GALNT18: variants seen among roughly 807,000 people sequenced by gnomAD.
The protein encoded by GALNT18 is polypeptide N-acetylgalactosaminyltransferase 18.
A neutral mutation model predicts 69.5 loss-of-function variants in GALNT18; 44 were observed. The observed-to-expected ratio is 0.63, with a 90% CI of 0.50 to 0.81. The LOEUF is 0.81. Ranked by LOEUF, GALNT18 falls within the 40% of genes least tolerant of loss-of-function variation. The probability of loss-of-function intolerance (pLI) is 0.00; values close to 1 mark genes in which losing one functional copy is unlikely to be tolerated. For synonymous variants in GALNT18, 364 were observed against 318.2 expected (o/e 1.14, Z -1.53); for missense variants, 715 against 810.0 (o/e 0.88, Z 1.42).
chr11:11,275,404 ATTTG>A (rs1013651140), intron 10 of GALNT18, among the ~76,000 whole-genome samples: 8 of 152,116 alleles, frequency 5.3e-5, no homozygotes, highest in East Asian at 1.9e-4. Flanking sequence ...TTTCTTGTAA[ATTTG>A]TTTGTTCTTT....
chr11:11,411,366 A>G (rs1289859923), intron 3 of GALNT18, among the ~76,000 whole-genome samples: 1 of 152,194 alleles, frequency 6.6e-6, no homozygotes, highest in Non-Finnish European at 1.5e-5. Flanking sequence ...GACAGAGGGC[A>G]AGGTTTGCAG....
At chr11:11,599,389 A>G (rs899465004) in intron 1 of GALNT18, among the ~76,000 whole-genome samples, 7 of 151,988 alleles carry the variant, frequency 4.6e-5, no homozygotes, top group African/African-American at 1.7e-4. Context: ...TTTAACGTCA[A>G]TTTTGTCTGA....
chr11:11,433,632 T>A (rs974620599), intron 2 of GALNT18, among the ~76,000 whole-genome samples: 1 of 152,158 alleles, frequency 6.6e-6, no homozygotes, highest in African/African-American at 2.4e-5. Context: ...ATTCCCCACA[T>A]GAAGAGGAAC....
At chr11:11,453,899 T>C (rs1855865688) in intron 1 of GALNT18, among the ~76,000 whole-genome samples, 1 of 152,224 alleles carries the variant, frequency 6.6e-6, no homozygotes, top group African/African-American at 2.4e-5. Flanking sequence ...GAGAACAGAC[T>C]AATATAGTCT....
In GALNT18 at chr11:11,581,747, T is replaced by A. The variant is rs61870383; in HGVS notation, c.235+39612A>T. Among the ~76,000 whole-genome samples the A allele has an allele frequency of 3.5e-4, 54 of 152,170 alleles. No homozygotes were observed. The South Asian group carries it at 0.011, about 30-fold the overall frequency. On this transcript the variant is annotated intron_variant, in intron 1 of 10. Transcript: ENST00000227756. ...CATCCAGGGGCCTAAAAAGAATGCA[T>A]GTGGCTGCTGCATCTTTAGCAGGAT...
chr11:11,536,207 C>T (rs1438807937), intron 1 of GALNT18, among the ~76,000 whole-genome samples: 1 of 152,192 alleles, frequency 6.6e-6, no homozygotes, highest in Non-Finnish European at 1.5e-5. Context: ...TAAAATATTT[C>T]ATTTATTGAG....
intron 2 of GALNT18, 21 bp downstream of exon 2, chr11:11,448,723 C>T (rs1329035450): frequency 1.3e-6 from 2 of 1,596,174 alleles, no homozygotes; most frequent in Non-Finnish European, 1.7e-6. Context: ...CGACAAGGGC[C>T]CAGTCACTGA....
At chr11:11,300,316 A>T (rs1849471431) in intron 9 of GALNT18, among the ~76,000 whole-genome samples, 1 of 152,130 alleles carries the variant, frequency 6.6e-6, no homozygotes, top group Non-Finnish European at 1.5e-5. Flanking sequence ...CTTTGGCTGA[A>T]ACTGTCCTGG....
chr11:11,540,382 G>A lies in GALNT18; in HGVS notation c.235+80977C>T, dbSNP rs894743835. 6.6e-6 allele frequency among the ~76,000 whole-genome samples: 1 copy of A among 152,254 alleles called. No homozygotes were observed. The highest frequency in any genetic ancestry group is 1.5e-5 in the Non-Finnish European group (1 of 68,020). ...GACAAGAGCATGCCAAGAGCCCTGG[G>A]TGGTTTGGGTTTGTTTTGTCCATAC... On this transcript the variant is annotated intron_variant, in intron 1 of 10. Transcript: ENST00000227756. The surrounding 1 kb of genome is among the most constrained non-coding windows in gnomAD (Gnocchi z 4.6).
In GALNT18 at chr11:11,372,464, T is replaced by A; in HGVS notation, c.1092+51A>T. The A allele has an allele frequency of 7.0e-7, 1 of 1,435,098 alleles. No individual in the cohort carries two copies. The allele number at this position is 1,435,098 out of a possible 1,614,324, so 88.9% of individuals were successfully genotyped here. On this transcript the variant is annotated intron_variant, in intron 6 of 10. Transcript: ENST00000227756. The surrounding 1 kb of genome is among the most constrained non-coding windows in gnomAD (Gnocchi z 4.9). ...CCCATTTCTCCACCCCCAGACTCAT[T>A]CACCCTGGTGGGAGCTGAGCCGAGC...
At chr11:11,285,201 A>G (rs575439082) in intron 10 of GALNT18, among the ~76,000 whole-genome samples, 2 of 152,140 alleles carry the variant, frequency 1.3e-5, no homozygotes, top group South Asian at 4.1e-4. Context: ...CTGGTTTTCC[A>G]GAGGCAGGAC....
At chr11:11,506,893 C>T (rs1432476756) in intron 1 of GALNT18, among the ~76,000 whole-genome samples, 1 of 152,152 alleles carries the variant, frequency 6.6e-6, no homozygotes, top group Non-Finnish European at 1.5e-5. Context: ...ATCCTATGTC[C>T]CTTCCCAAAC....
rs1021147167 is a variant in GALNT18, at chr11:11,523,903, C to A, written c.236-74967G>T. On this transcript the variant is annotated intron_variant, in intron 1 of 10. Transcript: ENST00000227756. The surrounding 1 kb of genome is among the most constrained non-coding windows in gnomAD (Gnocchi z 4.3). ...GGCTCTCAGGTCACCAAGAACATCACCCCAAATCTTATTACTTCAGTAGAG... is the reference window on the plus strand; with the variant it reads ...GGCTCTCAGGTCACCAAGAACATCAACCCAAATCTTATTACTTCAGTAGAG... Among the ~76,000 whole-genome samples the A allele has an allele frequency of 6.6e-6, 1 of 152,070 alleles. No individual in the cohort carries two copies. The highest frequency in any genetic ancestry group is 1.5e-5 in the Non-Finnish European group (1 of 68,006).
rs368208303 is a variant in GALNT18, at chr11:11,546,726, C to T, written c.235+74633G>A. Among the ~76,000 whole-genome samples, 3 of 152,016 alleles carry T rather than the reference C, an allele frequency of 2.0e-5. No individual in the cohort carries two copies. The highest frequency in any genetic ancestry group is 7.3e-5 in the African/African-American group (3 of 41,370). On this transcript the variant is annotated intron_variant, in intron 1 of 10. Coordinates refer to ENST00000227756, the MANE Select transcript of GALNT18 (RefSeq NM_198516.3). The surrounding 1 kb of genome is among the most constrained non-coding windows in gnomAD (Gnocchi z 5.8). Reference sequence around the variant, plus strand: ...TTGGTATCTACTGCAGTAGATACCCCGAATGTTGATGATGTCTTCCAGGTT... The same window carrying T: ...TTGGTATCTACTGCAGTAGATACCCTGAATGTTGATGATGTCTTCCAGGTT...
chr11:11,585,409 A>T (rs1342728949), intron 1 of GALNT18, among the ~76,000 whole-genome samples: 2 of 149,480 alleles, frequency 1.3e-5, no homozygotes, highest in African/African-American at 4.9e-5. Flanking sequence ...AGGCTGGAGT[A>T]CAATGGCGTG....
chr11:11,331,289 C>G (rs1590041802), intron 8 of GALNT18, among the ~76,000 whole-genome samples: 2 of 152,148 alleles, frequency 1.3e-5, no homozygotes, highest in South Asian at 4.1e-4. Flanking sequence ...GATATGTCAA[C>G]CATGCCATGG....
intron 1 of GALNT18, among the ~76,000 whole-genome samples, chr11:11,553,001 G>A (rs1858237910): frequency 6.6e-6 from 1 of 152,118 alleles, no homozygotes; most frequent in African/African-American, 2.4e-5. Context: ...TTACTTGGGT[G>A]AGTTTAATCT....
intron 6 of GALNT18, chr11:11,353,187 C>T: frequency 1.3e-6 from 2 of 1,598,752 alleles, no homozygotes; most frequent in Non-Finnish European, 1.7e-6. Context: ...TGTTCAGAAG[C>T]AGCTTGGGGG....
In GALNT18 at chr11:11,377,226, G is replaced by C; in HGVS notation, c.933C>G (p.Pro311=). The C allele has an allele frequency of 6.2e-7, 1 of 1,613,694 alleles. No homozygotes were observed. The highest frequency in any genetic ancestry group is 8.5e-7 in the Non-Finnish European group (1 of 1,180,022). The part of the protein sequence containing the change: ...DWELWCRYLN[P]PKAWWKLENS... The stretch of plus-strand genomic sequence containing the variant: ...TCTCCAGCTTCCACCAGGCCTTGGG[G>C]GGATTTAGGTAGCGGCACCACAGCT... The change falls in exon 5 of 11, where the codon CCC becomes CCG. Residue 311 remains proline (P), a synonymous_variant. Coordinates refer to ENST00000227756, the MANE Select transcript of GALNT18 (RefSeq NM_198516.3). The surrounding 1 kb of genome is among the most constrained non-coding windows in gnomAD (Gnocchi z 4.6).
Sources: gnomAD v4.1 joint callset for allele counts (sites outside exome capture counted in the v4.1 genomes callset) on GRCh38, gnomAD v4.1.1 for gene constraint, Gnocchi (gnomAD v3.1) non-coding constraint, MANE v1.5 for transcripts, NCBI Gene and HGNC (gene_info 2026-07-23, HGNC 2026-07-21) for gene names.